DPP8: variants seen among roughly 807,000 people sequenced by gnomAD.
The protein encoded by DPP8 is DPP VIII.
DPP8 carries 31 observed loss-of-function variants against 107.5 expected under a neutral mutation model. That is an observed-to-expected ratio of 0.29 (90% CI 0.22 to 0.39). DPP8 has a LOEUF of 0.39. DPP8 is among the 10% of genes least tolerant of loss of function. DPP8 has a pLI of 1.00. For missense variants in DPP8, 842 were observed against 1,076.1 expected, an observed-to-expected ratio of 0.78 and a Z score of 3.04; for synonymous variants, 381 against 356.6, an observed-to-expected ratio of 1.07 and a Z score of -0.77.
At chr15:65,454,467 A>T (rs1187132034) in intron 16 of DPP8, 52 bp from the exon 17 acceptor site, 1 of 1,470,554 alleles carries the variant, frequency 6.8e-7, no homozygotes, top group Non-Finnish European at 9.2e-7. Context: ...AAAGTCTCGT[A>T]AGAGTGCTTT....
At chr15:65,470,264 A>G (rs1465065069) in intron 12 of DPP8, among the ~76,000 whole-genome samples, 3 of 151,604 alleles carry the variant, frequency 2.0e-5, no homozygotes, top group Non-Finnish European at 4.4e-5. Flanking sequence ...AGTCACTTGT[A>G]AAAGTAGAGA....
Position 65,471,163 on chromosome 15 carries a change from C to G in DPP8, c.1536+3046G>C, listed in dbSNP as rs78058322. ...TCAGTGTAGTTTTCTGTTTTCAGAA[C>G]CTAGAATTCCACAATAAGATTTTTT... On this transcript the variant is annotated intron_variant, in intron 12 of 19. Transcript: ENST00000300141. Among the ~76,000 whole-genome samples, 6 of 152,144 alleles carry G rather than the reference C, an allele frequency of 3.9e-5. No homozygotes were observed. In the East Asian group the frequency reaches 1.2e-3, roughly 29 times the overall value.
chr15:65,453,232 C>T (rs2064120853), intron 17 of DPP8, among the ~76,000 whole-genome samples: 2 of 152,142 alleles, frequency 1.3e-5, no homozygotes. Flanking sequence ...GCTGAAGATA[C>T]AATGGTGTAC....
intron 12 of DPP8, among the ~76,000 whole-genome samples, chr15:65,470,103 G>A (rs1465904918): frequency 6.9e-6 from 1 of 144,632 alleles, no homozygotes; most frequent in Non-Finnish European, 1.5e-5. Context: ...ACTTAAGCAG[G>A]AGAATCACTT....
intron 17 of DPP8, among the ~76,000 whole-genome samples, chr15:65,452,776 A>T (rs1329269260): frequency 1.3e-5 from 2 of 152,202 alleles, no homozygotes; most frequent in East Asian, 3.9e-4. Context: ...GTCTGAGACC[A>T]GCCTGGCAAA....
chr15:65,448,201 A>G (rs1020881918), intron 19 of DPP8, among the ~76,000 whole-genome samples: 7 of 151,886 alleles, frequency 4.6e-5, no homozygotes, highest in African/African-American at 1.7e-4. Context: ...CCCAGGAATC[A>G]TAGTAAGACT....
At chr15:65,461,375 C>T (rs2064907238) in intron 15 of DPP8, among the ~76,000 whole-genome samples, 1 of 152,040 alleles carries the variant, frequency 6.6e-6, no homozygotes, top group East Asian at 1.9e-4. Flanking sequence ...AACTCCTAGG[C>T]TCAAGTGATC....
At chr15:65,503,748 G>A (rs1177183516) in intron 3 of DPP8, among the ~76,000 whole-genome samples, 3 of 151,900 alleles carry the variant, frequency 2.0e-5, no homozygotes, top group Admixed American at 1.3e-4. Context: ...TCAGCCTCCC[G>A]AGTAGCTAGG....
intron 5 of DPP8, among the ~76,000 whole-genome samples, chr15:65,493,739 CTCAT>C (rs2068276567): frequency 1.3e-5 from 2 of 152,238 alleles, no homozygotes; most frequent in South Asian, 4.1e-4. Context: ...ATAGTATCAT[CTCAT>C]TGTCTCAGTA....
intron 1 of DPP8, among the ~76,000 whole-genome samples, chr15:65,514,374 A>C (rs540415510): frequency 1.5e-3 from 224 of 152,320 alleles, no homozygotes; most frequent in Non-Finnish European, 9.0e-4. Context: ...AGTATCCAGC[A>C]CACTGATATT....
At chr15:65,448,314 G>A (rs993007558) in intron 19 of DPP8, among the ~76,000 whole-genome samples, 89 of 152,022 alleles carry the variant, frequency 5.9e-4, no homozygotes, top group African/African-American at 2.1e-3. Flanking sequence ...TGGGAGGATC[G>A]CTTGAGTTCA....
At chr15:65,504,393 C>T (rs972002269) in intron 3 of DPP8, among the ~76,000 whole-genome samples, 24 of 150,310 alleles carry the variant, frequency 1.6e-4, no homozygotes, top group Non-Finnish European at 5.9e-5. Flanking sequence ...GTGGTAGGGC[C>T]GGGTGCAGCG....
chr15:65,507,391 C>T lies in DPP8; in HGVS notation c.260-36G>A, dbSNP rs760750661. 6 of 1,361,540 alleles carry T rather than the reference C, an allele frequency of 4.4e-6. No homozygotes were observed. In the Admixed American group the frequency reaches 5.3e-5, roughly 12 times the overall value. The allele number at this position is 1,361,540 out of a possible 1,614,324, so 84.3% of individuals were successfully genotyped here. On this transcript the variant is annotated intron_variant, in intron 2 of 19. Transcript: ENST00000300141. ...AAGCAATCATTTATTATTATTTTTT[C>T]GAATAGCATTCTTACTACAGTCACA...
chr15:65,508,460 T>C (rs1189832385), intron 2 of DPP8, among the ~76,000 whole-genome samples: 1 of 152,156 alleles, frequency 6.6e-6, no homozygotes, highest in Non-Finnish European at 1.5e-5. Flanking sequence ...CACAGCAGTG[T>C]AGAGTGAGTT....
At chr15:65,515,784 A>G in intron 1 of DPP8, 2 of 1,188,288 alleles carry the variant, frequency 1.7e-6, no homozygotes, top group South Asian at 2.5e-5. Context: ...TTTCCTCACC[A>G]TCAAAGCCTG....
intron 6 of DPP8, among the ~76,000 whole-genome samples, chr15:65,489,415 T>TTTTG (rs1298893847): frequency 7.4e-6 from 1 of 135,526 alleles, no homozygotes; most frequent in Non-Finnish European, 1.6e-5. Flanking sequence ...ATAATCTACT[T>TTTTG]TTTTTTTTTT....
At chr15:65,488,625 A>C (rs1365996705) in intron 6 of DPP8, among the ~76,000 whole-genome samples, 2 of 151,066 alleles carry the variant, frequency 1.3e-5, no homozygotes, top group Non-Finnish European at 2.9e-5. Flanking sequence ...AAAAAAAAAA[A>C]AAACCCAAAA....
At chr15:65,481,637 G>T (rs148460984) in intron 8 of DPP8, 22 bp from the exon 9 acceptor site, 8 of 1,231,960 alleles carry the variant, frequency 6.5e-6, no homozygotes. Flanking sequence ...GAAAAAAAAA[G>T]AATCTAGTTA....
At chr15:65,499,291 C>A (rs993284977) in intron 4 of DPP8, among the ~76,000 whole-genome samples, 1 of 151,572 alleles carries the variant, frequency 6.6e-6, no homozygotes, top group Non-Finnish European at 1.5e-5. Context: ...GACAGTAGAG[C>A]GATCTCAGCT....
Sources: gnomAD v4.1 joint callset for allele counts (sites outside exome capture counted in the v4.1 genomes callset) on GRCh38, gnomAD v4.1.1 for gene constraint, MANE v1.5 for transcripts, NCBI Gene and HGNC (gene_info 2026-07-23, HGNC 2026-07-21) for gene names.